NUPR1: variants seen among roughly 807,000 people sequenced by gnomAD.
NUPR1 encodes nuclear protein 1, transcriptional regulator.
Under a neutral mutation model 7.3 loss-of-function variants are expected in NUPR1, and 8 were observed. The ratio of observed to expected loss-of-function variants is 1.09; its 90% CI spans 0.64 to 1.97. The LOEUF is 1.97. Among genes scored for constraint, NUPR1 ranks in the 30% most tolerant of loss-of-function variants. The pLI, the probability that NUPR1 is intolerant of heterozygous loss-of-function variation, is 0.00. For synonymous variants in NUPR1, 39 were observed against 44.5 expected, an observed-to-expected ratio of 0.88 and a Z score of 0.49; for missense variants, 96 against 111.7, an observed-to-expected ratio of 0.86 and a Z score of 0.63.
chr16:28,538,090 CA>C lies in NUPR1; in HGVS notation c.177del (p.Gly60AlafsTer8), dbSNP rs748651755. ...EAAANTNRPSPGGHERKLVTK... is the reference protein window; with the variant it reads ...EAAANTNRPSXGGHERKLVTK... Reference sequence around the variant, plus strand: ...GTCACCAGTTTCCTCTCGTGCCCGCCAGGGCTGGGGCGGTTGGTGTTGGCAG... The same window carrying C: ...GTCACCAGTTTCCTCTCGTGCCCGCCGGGCTGGGGCGGTTGGTGTTGGCAG... On this transcript the variant is annotated frameshift_variant, in exon 2 of 3. Transcript: ENST00000324873. LOFTEE classifies it high-confidence loss of function. 5 of 1,614,084 alleles carry C rather than the reference CA, an allele frequency of 3.1e-6. No homozygotes were observed. In the East Asian group the frequency reaches 8.9e-5, roughly 29 times the overall value.
rs1457033239 is a variant in NUPR1, at chr16:28,534,928, G to C, written c.*2755C>G. 2.0e-5 allele frequency: 3 copies of C among 152,194 alleles called. No individual in the cohort carries two copies. The highest frequency in any genetic ancestry group is 7.2e-5 in the African/African-American group (3 of 41,436). The allele number at this position is 152,194 out of a possible 1,614,324, so 9.4% of individuals were successfully genotyped here. On this transcript the variant is annotated 3_prime_UTR_variant, in exon 3 of 3. Coordinates refer to ENST00000324873, the MANE Select transcript of NUPR1 (RefSeq NM_012385.3). The stretch of plus-strand genomic sequence containing the variant: ...CCTCAACACAATGGAGCTGCCATTT[G>C]AACCCAGGAGGACTTGGGGCTAAGT...
chr16:28,538,782 T>A lies in NUPR1; in HGVS notation c.112+14A>T, dbSNP rs763784596. On this transcript the variant is annotated intron_variant, in intron 1 of 2. Coordinates refer to ENST00000324873, the MANE Select transcript of NUPR1 (RefSeq NM_012385.3). ...GAGGAGGAAGGACCGTGGAGATGGC[T>A]GAGTGGGCCTTACCGAGGTAGGAAT... 6.3e-7 allele frequency: 1 copy of A among 1,591,800 alleles called. No individual in the cohort carries two copies.
rs764866257 is a variant in NUPR1 at position 28,538,879 on chromosome 16, G to C, written c.29C>G (p.Ala10Gly). MATFPPATSAPQQPPGPEDE... is the reference protein window; with the variant it reads MATFPPATSGPQQPPGPEDE... ...CTCCGGGCCTGGGGGCTGCTGGGGG[G>C]CGCTGGTTGCTGGTGGGAAGGTGGC... is the stretch of plus-strand genomic sequence containing the variant. The change falls in exon 1 of 3, where the codon GCC (alanine) becomes GGC (glycine). Residue 10 changes from alanine to glycine, a missense_variant. Transcript: ENST00000324873. 6 of 1,613,184 alleles carry C rather than the reference G, an allele frequency of 3.7e-6. No homozygotes were observed. The highest frequency in any genetic ancestry group is 1.7e-5 in the Admixed American group (1 of 59,736).
At position 28,535,564 on chromosome 16, in the gene NUPR1, C is replaced by CTTTTCT. The variant is rs1237543681; in HGVS notation, c.*2118_*2119insAGAAAA. 69 of 57,778 alleles carry CTTTTCT rather than the reference C, an allele frequency of 1.2e-3. No homozygotes were observed. Among genetic ancestry groups the CTTTTCT allele is most frequent in the Non-Finnish European group, 2.3e-3 (64 of 27,572 alleles). 3.6% of individuals were successfully genotyped at this position (57,778 alleles called of 1,614,324 possible). ...CTTTCCTTCTTTCTTTCTTTCTTTC[C>CTTTTCT]TTCCTTCCTTTCTTTCTTTCTTTCT... On this transcript the variant is annotated 3_prime_UTR_variant, in exon 3 of 3. Coordinates refer to ENST00000324873, the MANE Select transcript of NUPR1 (RefSeq NM_012385.3).
At position 28,532,922 on chromosome 16, in the gene NUPR1, A is replaced by G. The variant is rs1210599909; in HGVS notation, c.*4761T>C. ...AAGGGGATCATTAATAGTATGTCCT[A>G]TTGGGTTATCGTAAGGATTAAATGG... On this transcript the variant is annotated 3_prime_UTR_variant, in exon 3 of 3. Coordinates refer to ENST00000324873, the MANE Select transcript of NUPR1 (RefSeq NM_012385.3). 1 of 152,168 alleles carries G rather than the reference A, an allele frequency of 6.6e-6. No individual in the cohort carries two copies. Among genetic ancestry groups the G allele is most frequent in the Non-Finnish European group, 1.5e-5 (1 of 68,026 alleles). The allele number at this position is 152,168 out of a possible 1,614,324, so 9.4% of individuals were successfully genotyped here.
At position 28,538,078 on chromosome 16, in the gene NUPR1, T is replaced by C; in HGVS notation, c.190A>G (p.Arg64Gly). 6.2e-7 allele frequency: 1 copy of C among 1,614,174 alleles called. No homozygotes were observed. The highest frequency in any genetic ancestry group is 8.5e-7 in the Non-Finnish European group (1 of 1,180,036). The change falls in exon 2 of 3, where the codon AGG becomes GGG. Residue 64 changes from arginine to glycine, a missense_variant. Arg to Gly is a moderately radical substitution (Grantham distance 125). Transcript: ENST00000324873. Reference sequence around the variant, plus strand: ...TTCTGCAGCTTGGTCACCAGTTTCCTCTCGTGCCCGCCAGGGCTGGGGCGG... The same window carrying C: ...TTCTGCAGCTTGGTCACCAGTTTCCCCTCGTGCCCGCCAGGGCTGGGGCGG... ...TNRPSPGGHE[R>G]KLVTKLQNSE... is the part of the protein sequence containing the mutation.
At chr16:28,537,901 A>T in intron 2 of NUPR1, 105 bp downstream of exon 2, 1 of 899,068 alleles carries the variant, frequency 1.1e-6, no homozygotes, top group Non-Finnish European at 1.7e-6. Context: ...CTGCATCAAG[A>T]CAACAGTTGC....
rs1476288015 is a variant in NUPR1 at position 28,538,026 on chromosome 16, C to T, written c.242G>A (p.Arg81Gln). 10 of 1,613,190 alleles carry T rather than the reference C, an allele frequency of 6.2e-6. No individual in the cohort carries two copies. The highest frequency in any genetic ancestry group is 1.7e-5 in the Admixed American group (1 of 59,982). Residue 81 changes from arginine (R) to glutamine (Q), a missense_variant, in exon 2 of 3, where the codon CGG becomes CAG. By Grantham distance (43) the Arg-to-Gln change is conservative (BLOSUM62 1). Transcript: ENST00000324873. ...CTTACCTCCAGCTCTGTCTCAGCGC[C>T]GTGCCCCTCGCTTCTTCCTCTCTGA... ...QNSERKKRGARR is the reference protein window; with the variant it reads ...QNSERKKRGAQR
chr16:28,535,775 G>A lies in NUPR1; in HGVS notation c.*1908C>T, dbSNP rs560247869. On this transcript the variant is annotated 3_prime_UTR_variant, in exon 3 of 3. Coordinates refer to ENST00000324873, the MANE Select transcript of NUPR1 (RefSeq NM_012385.3). ...CTATTGCTCAGGCTGCAGTGCAGTG[G>A]CACCATCATGGCTTACTGTAGCCTC... is the stretch of plus-strand genomic sequence containing the variant. 1.3e-5 allele frequency: 2 copies of A among 150,346 alleles called. No individual in the cohort carries two copies. The highest frequency in any genetic ancestry group is 4.9e-5 in the African/African-American group (2 of 40,838). The allele number at this position is 150,346 out of a possible 1,614,324, so 9.3% of individuals were successfully genotyped here.
chr16:28,535,625 C>G lies in NUPR1; in HGVS notation c.*2058G>C, dbSNP rs1475276494. The G allele has an allele frequency of 5.6e-5, 5 of 89,968 alleles. 2 individuals are homozygous for G. The highest frequency in any genetic ancestry group is 1.2e-4 in the Non-Finnish European group (5 of 42,138). 5.6% of individuals were successfully genotyped at this position (89,968 alleles called of 1,614,324 possible). A position where few individuals can be genotyped will look rare whatever the true frequency, so the allele number is the denominator to read the frequency against. ...CTTTCTTTCTTTCTTTCTTTCTTCTCTTTCTCTCTCTTTCTTCTTTTTCTC... is the reference window on the plus strand; with the variant it reads ...CTTTCTTTCTTTCTTTCTTTCTTCTGTTTCTCTCTCTTTCTTCTTTTTCTC... On this transcript the variant is annotated 3_prime_UTR_variant, in exon 3 of 3. Transcript: ENST00000324873.
At position 28,538,082 on chromosome 16, in the gene NUPR1, G is replaced by T. The variant is rs985021456; in HGVS notation, c.186C>A (p.His62Gln). 1 of 1,614,086 alleles carries T rather than the reference G, an allele frequency of 6.2e-7. No individual in the cohort carries two copies. Among genetic ancestry groups the T allele is most frequent in the South Asian group, 1.1e-5 (1 of 91,080 alleles). The change falls in exon 2 of 3, where the codon CAC becomes CAA. Residue 62 changes from histidine to glutamine, a missense_variant. Transcript: ENST00000324873. ...GCAGCTTGGTCACCAGTTTCCTCTCGTGCCCGCCAGGGCTGGGGCGGTTGG... is the reference window on the plus strand; with the variant it reads ...GCAGCTTGGTCACCAGTTTCCTCTCTTGCCCGCCAGGGCTGGGGCGGTTGG... ...ANTNRPSPGG[H>Q]ERKLVTKLQN... is the part of the protein sequence containing the mutation.
rs1596587363 is a variant in NUPR1 at position 28,537,650 on chromosome 16, T to G, written c.*33A>C. The stretch of plus-strand genomic sequence containing the variant: ...GTCCCGTCTCTATTGCTGGGTGTAG[T>G]GTCCATGGTCTGGCCTCATCTGGGG... On this transcript the variant is annotated 3_prime_UTR_variant, in exon 3 of 3. Transcript: ENST00000324873. 1 of 200,730 alleles carries G rather than the reference T, an allele frequency of 5.0e-6. No homozygotes were observed. Among genetic ancestry groups the G allele is most frequent in the Non-Finnish European group, 1.0e-5 (1 of 97,612 alleles). The allele number at this position is 200,730 out of a possible 1,614,324, so 12.4% of individuals were successfully genotyped here.
At position 28,538,129 on chromosome 16, in the gene NUPR1, T is replaced by C; in HGVS notation, c.139A>G (p.Lys47Glu). ...TTGGTGTTGGCAGCAGCTTCTCTCT[T>C]GGTGCGACCTTTCCGGCCTCCACCT... ...LGGGGRKGRTKREAAANTNRP... is the reference protein window; with the variant it reads ...LGGGGRKGRTEREAAANTNRP... Residue 47 changes from lysine to glutamate, a missense_variant, in exon 2 of 3, where the codon AAG becomes GAG. Physicochemically the swap from Lys to Glu is moderately conservative, Grantham distance 56. Transcript: ENST00000324873. 1 of 1,614,190 alleles carries C rather than the reference T, an allele frequency of 6.2e-7. No homozygotes were observed. The highest frequency in any genetic ancestry group is 1.1e-5 in the South Asian group (1 of 91,084).
rs772611239 is a variant in NUPR1 at position 28,538,924 on chromosome 16, T to C, written c.-17A>G. On this transcript the variant is annotated 5_prime_UTR_variant, in exon 1 of 3. Transcript: ENST00000324873. ...GGTGGCCATCGTGCCTGGCTTGTCTTCCCTGCCTCTCTTCTTCTCCTAACG... is the reference window on the plus strand; with the variant it reads ...GGTGGCCATCGTGCCTGGCTTGTCTCCCCTGCCTCTCTTCTTCTCCTAACG... 1.1e-5 allele frequency: 17 copies of C among 1,598,572 alleles called. No homozygotes were observed.
At position 28,535,629 on chromosome 16, in the gene NUPR1, C is replaced by CTTCTTTCTT. The variant is rs1567277765; in HGVS notation, c.*2053_*2054insAAGAAAGAA. The stretch of plus-strand genomic sequence containing the variant: ...CTTTCTTTCTTTCTTTCTTCTCTTT[C>CTTCTTTCTT]TCTCTCTTTCTTCTTTTTCTCTCCT... On this transcript the variant is annotated 3_prime_UTR_variant, in exon 3 of 3. Transcript: ENST00000324873. The CTTCTTTCTT allele has an allele frequency of 1.0e-5, 1 of 100,206 alleles. No homozygotes were observed. The highest frequency in any genetic ancestry group is 2.2e-5 in the Non-Finnish European group (1 of 46,476). 6.2% of individuals were successfully genotyped at this position (100,206 alleles called of 1,614,324 possible).
rs2046595025 is a variant in NUPR1, at chr16:28,533,812, C to G, written c.*3871G>C. The G allele has an allele frequency of 6.6e-6, 1 of 152,296 alleles. No homozygotes were observed. The highest frequency in any genetic ancestry group is 1.5e-5 in the Non-Finnish European group (1 of 68,110). 9.4% of individuals were successfully genotyped at this position (152,296 alleles called of 1,614,324 possible). On this transcript the variant is annotated 3_prime_UTR_variant, in exon 3 of 3. Transcript: ENST00000324873. ...GGTATGAGAGACAGATTTCAGCCCA[C>G]ATGAACAGACTTGCCCTGAGATAGA...
intron 1 of NUPR1, 25 bp downstream of exon 1, chr16:28,538,771 G>A (rs753058685): frequency 7.7e-6 from 12 of 1,557,236 alleles, no homozygotes; most frequent in South Asian, 3.4e-5. Context: ...AGGAAGGACC[G>A]TGGAGATGGC....
In NUPR1 at chr16:28,535,510, T is replaced by TCTTTCTTTCTTC. The variant is rs2046605271; in HGVS notation, c.*2172_*2173insGAAGAAAGAAAG. The TCTTTCTTTCTTC allele has an allele frequency of 1.6e-5, 1 of 63,218 alleles. No homozygotes were observed. Among genetic ancestry groups the TCTTTCTTTCTTC allele is most frequent in the Non-Finnish European group, 3.2e-5 (1 of 31,062 alleles). The allele number at this position is 63,218 out of a possible 1,614,324, so 3.9% of individuals were successfully genotyped here. ...CTGTGCCGGGGCTCGCTCTTTTCTT[T>TCTTTCTTTCTTC]CTTTCTTTCTTTCTTTCTTTCTTTC... On this transcript the variant is annotated 3_prime_UTR_variant, in exon 3 of 3. Coordinates refer to ENST00000324873, the MANE Select transcript of NUPR1 (RefSeq NM_012385.3).
rs1596586463 is a variant in NUPR1 at position 28,535,548 on chromosome 16, T to TTTCTTTCTTTCTTTCC, written c.*2119_*2134dup. 8.4e-5 allele frequency: 3 copies of TTTCTTTCTTTCTTTCC among 35,764 alleles called. No homozygotes were observed. Among genetic ancestry groups the TTTCTTTCTTTCTTTCC allele is most frequent in the South Asian group, 1.3e-3 (2 of 1,540 alleles). The allele number at this position is 35,764 out of a possible 1,614,324, so 2.2% of individuals were successfully genotyped here. ...CTTTCTTTCTTTCTTTCTTTCCTTC[T>TTTCTTTCTTTCTTTCC]TTCTTTCTTTCTTTCCTTCCTTCCT... On this transcript the variant is annotated 3_prime_UTR_variant, in exon 3 of 3. Transcript: ENST00000324873.
Sources: gnomAD v4.1 joint callset for allele counts on GRCh38, gnomAD v4.1.1 for gene constraint, MANE v1.5 for transcripts, NCBI Gene and HGNC (gene_info 2026-07-23, HGNC 2026-07-21) for gene names.